The following TBC1D23 variants were observed in gnomAD, a reference collection of about 807,000 sequenced individuals.
The protein encoded by TBC1D23 is HCV non-structural protein 4A-transactivated protein 1.
In TBC1D23, 55 loss-of-function variants were observed where a neutral mutation model predicts 91.4. The ratio of observed to expected loss-of-function variants is 0.60; its 90% confidence interval spans 0.48 to 0.75. The LOEUF (loss-of-function observed/expected upper bound fraction) is 0.75, where lower values mean the gene tolerates loss of function less well. TBC1D23 is among the 30% of genes least tolerant of loss of function. The pLI is 0.00. For synonymous variants in TBC1D23, 289 were observed against 281.0 expected (o/e 1.03, Z -0.28); for missense variants, 725 against 836.1 (o/e 0.87, Z 1.64).
intron 11 of TBC1D23, among the ~76,000 whole-genome samples, chr3:100,303,273 T>C (rs1162492095): frequency 6.6e-6 from 1 of 152,238 alleles, no homozygotes; most frequent in African/African-American, 2.4e-5. Flanking sequence ...CTATTTATGT[T>C]GTATTTTACT....
At position 100,298,059 on chromosome 3, in the gene TBC1D23, A is replaced by T. The variant is rs775249013; in HGVS notation, c.999+14A>T. ...CAGCTACAAGGGGTAAGTAAAGGAA[A>T]CCCAGTTTGTTAGGGGACTGTTCAT... is the stretch of plus-strand genomic sequence containing the variant. On this transcript the variant is annotated intron_variant, in intron 9 of 18. Transcript: ENST00000394144. 6.8e-6 allele frequency: 11 copies of T among 1,610,842 alleles called. No homozygotes were observed. The Admixed American group carries it at 1.7e-4, about 25-fold the overall frequency.
intron 10 of TBC1D23, among the ~76,000 whole-genome samples, chr3:100,300,545 AG>A (rs1173226215): frequency 7.0e-6 from 1 of 143,276 alleles, no homozygotes; most frequent in Non-Finnish European, 1.5e-5. Flanking sequence ...TCTGCCACTC[AG>A]GCTGGAGTAC....
At chr3:100,281,292 T>C (rs1313756089) in intron 2 of TBC1D23, among the ~76,000 whole-genome samples, 1 of 152,228 alleles carries the variant, frequency 6.6e-6, no homozygotes, top group Non-Finnish European at 1.5e-5. Flanking sequence ...TTTGGATATG[T>C]CACTTAAGAT....
chr3:100,277,950 G>GT (rs1361407365), intron 1 of TBC1D23, among the ~76,000 whole-genome samples: 4 of 152,156 alleles, frequency 2.6e-5, no homozygotes, highest in African/African-American at 9.7e-5. Context: ...GTGGTTATTA[G>GT]TTATCTTCTG....
intron 1 of TBC1D23, among the ~76,000 whole-genome samples, chr3:100,268,173 A>G (rs4928120): frequency 0.15 from 22,117 of 151,920 alleles, 2,130 homozygotes; most frequent in Non-Finnish European, 0.22. Context: ...TAATAATAAT[A>G]ATGATGTCCA....
At chr3:100,319,583 C>T (rs1372885033) in intron 17 of TBC1D23, among the ~76,000 whole-genome samples, 2 of 152,092 alleles carry the variant, frequency 1.3e-5, no homozygotes, top group African/African-American at 2.4e-5. Context: ...CATGCGCCAC[C>T]ACCCCCGGCT....
intron 1 of TBC1D23, among the ~76,000 whole-genome samples, chr3:100,267,478 G>A (rs1190786294): frequency 6.6e-6 from 1 of 152,064 alleles, no homozygotes; most frequent in Non-Finnish European, 1.5e-5. Flanking sequence ...AGCTGACATA[G>A]CATTTGATAG....
chr3:100,306,037 T>C (rs1705511385), intron 12 of TBC1D23, among the ~76,000 whole-genome samples: 2 of 152,348 alleles, frequency 1.3e-5, no homozygotes, highest in South Asian at 4.1e-4. Flanking sequence ...GCTTCTTTAT[T>C]ATGGGAGAGA....
intron 5 of TBC1D23, among the ~76,000 whole-genome samples, chr3:100,292,741 A>C (rs932942859): frequency 1.3e-5 from 2 of 152,118 alleles, no homozygotes; most frequent in African/African-American, 4.8e-5. Context: ...CTGGGACCAC[A>C]GGCATGCACC....
At chr3:100,281,534 C>T (rs1294232680) in intron 2 of TBC1D23, among the ~76,000 whole-genome samples, 1 of 152,028 alleles carries the variant, frequency 6.6e-6, no homozygotes, top group East Asian at 1.9e-4. Context: ...TTCACTAAAT[C>T]AACATGAAGA....
chr3:100,323,715 C>A lies in TBC1D23; in HGVS notation c.*47C>A. ...AAGAAATTAAGACAACCAAGAGAAA[C>A]ATGGACATATACCTCCTGACTGAAT... On this transcript the variant is annotated 3_prime_UTR_variant, in exon 19 of 19. Transcript: ENST00000394144. 1 of 1,020,498 alleles carries A rather than the reference C, an allele frequency of 9.8e-7. No homozygotes were observed. The highest frequency in any genetic ancestry group is 1.4e-6 in the Non-Finnish European group (1 of 735,672). 63.2% of individuals were successfully genotyped at this position (1,020,498 alleles called of 1,614,324 possible). A position where few individuals can be genotyped will look rare whatever the true frequency, so the allele number is the denominator to read the frequency against.
At chr3:100,293,269 C>T (rs375865972) in intron 5 of TBC1D23, among the ~76,000 whole-genome samples, 1 of 152,048 alleles carries the variant, frequency 6.6e-6, no homozygotes, top group African/African-American at 2.4e-5. Flanking sequence ...GAGTAGTTGG[C>T]ACTGCAGGCG....
chr3:100,311,761 AT>A, intron 14 of TBC1D23, 71 bp from the exon 15 acceptor site: 4 of 1,027,420 alleles, frequency 3.9e-6, no homozygotes, highest in Non-Finnish European at 5.8e-6. Context: ...ACTGTACCAT[AT>A]TTTTTGTTTT....
intron 1 of TBC1D23, 54 bp from the exon 2 acceptor site, chr3:100,279,595 A>G: frequency 1.6e-6 from 2 of 1,236,390 alleles, no homozygotes; most frequent in South Asian, 2.8e-5. Flanking sequence ...TGAATCTTGA[A>G]TAAGAAAAAG....
intron 10 of TBC1D23, among the ~76,000 whole-genome samples, chr3:100,299,958 ACT>A (rs3836296): frequency 0.23 from 34,621 of 152,062 alleles, 4,501 homozygotes; most frequent in East Asian, 0.49. Context: ...CCTACTAAGT[ACT>A]CTCTGGATAT....
At chr3:100,311,986 C>G (rs1705633325) in intron 15 of TBC1D23, 109 bp downstream of exon 15, 1 of 718,730 alleles carries the variant, frequency 1.4e-6, no homozygotes, top group Non-Finnish European at 2.3e-6. Context: ...GCAGCTATTT[C>G]AAATGCTAAA....
At chr3:100,284,114 C>T (rs2067720428) in intron 4 of TBC1D23, 6 of 263,650 alleles carry the variant, frequency 2.3e-5, no homozygotes, top group Non-Finnish European at 4.3e-5. Flanking sequence ...GTCGAAAGAC[C>T]TAATATGCAA....
chr3:100,305,867 G>A (rs769224369), intron 12 of TBC1D23, among the ~76,000 whole-genome samples: 1 of 152,074 alleles, frequency 6.6e-6, no homozygotes, highest in African/African-American at 2.4e-5. Flanking sequence ...AGGAATCCTG[G>A]TAACGATATA....
At position 100,295,354 on chromosome 3, in the gene TBC1D23, TATC is replaced by T; in HGVS notation, c.772+9_772+11del. The T allele has an allele frequency of 6.2e-7, 1 of 1,602,612 alleles. No individual in the cohort carries two copies. Among genetic ancestry groups the T allele is most frequent in the Non-Finnish European group, 8.5e-7 (1 of 1,173,620 alleles). ...CAGCAAAGAAGAAGTTATCAGTAAGTATCATTTAATGTAGTGAAAACATTTCAG... is the reference window on the plus strand; with the variant it reads ...CAGCAAAGAAGAAGTTATCAGTAAGTATTTAATGTAGTGAAAACATTTCAG... On this transcript the variant is annotated splice_region_variant and intron_variant, in intron 7 of 18. Coordinates refer to ENST00000394144, the MANE Select transcript of TBC1D23 (RefSeq NM_001199198.3).
Sources: allele counts gnomAD v4.1 joint callset (sites outside exome capture counted in the v4.1 genomes callset), GRCh38; gene constraint gnomAD v4.1.1; transcripts MANE v1.5; gene names NCBI Gene and HGNC (gene_info 2026-07-23, HGNC 2026-07-21).